PIKFYVE: variants seen among roughly 807,000 people sequenced by gnomAD.
The protein encoded by PIKFYVE is phosphoinositide kinase, FYVE-type zinc finger containing.
A neutral mutation model predicts 257.9 loss-of-function variants in PIKFYVE; 122 were observed. The observed-to-expected ratio is 0.47, with a 90% CI of 0.41 to 0.55. The LOEUF (loss-of-function observed/expected upper bound fraction) is 0.55, where lower values mean the gene tolerates loss of function less well. Ranked by LOEUF, PIKFYVE falls within the 20% of genes least tolerant of loss-of-function variation. The pLI is 0.00. For missense variants in PIKFYVE, 2,160 were observed against 2,536.6 expected, an observed-to-expected ratio of 0.85 and a Z score of 3.19; for synonymous variants, 892 against 868.9, an observed-to-expected ratio of 1.03 and a Z score of -0.47.
In PIKFYVE at chr2:208,355,584, T is replaced by G; in HGVS notation, c.*279T>G. 2.8e-6 allele frequency: 1 copy of G among 355,806 alleles called. No individual in the cohort carries two copies. Among genetic ancestry groups the G allele is most frequent in the Non-Finnish European group, 5.3e-6 (1 of 190,472 alleles). 22.0% of individuals were successfully genotyped at this position (355,806 alleles called of 1,614,324 possible). On this transcript the variant is annotated 3_prime_UTR_variant, in exon 42 of 42. Transcript: ENST00000264380. ...TGTTTCAAAGGGCTAAAGTTGGAGA[T>G]GAGTAGATAGGGTGAAAAATGGGTT... is the stretch of plus-strand genomic sequence containing the variant.
At position 208,358,273 on chromosome 2, in the gene PIKFYVE, T is replaced by G. The variant is rs1229570283; in HGVS notation, c.*2968T>G. The stretch of plus-strand genomic sequence containing the variant: ...AATTACCTGTAGGAGTTTGCTGAGC[T>G]TGAAGAGTGAAAACTGTTGTGAATG... On this transcript the variant is annotated 3_prime_UTR_variant, in exon 42 of 42. Transcript: ENST00000264380. 2 of 152,638 alleles carry G rather than the reference T, an allele frequency of 1.3e-5. No homozygotes were observed. The highest frequency in any genetic ancestry group is 2.4e-5 in the African/African-American group (1 of 41,440). 9.5% of individuals were successfully genotyped at this position (152,638 alleles called of 1,614,324 possible).
Position 208,322,936 on chromosome 2 carries a change from A to G in PIKFYVE, c.2191-1206A>G, listed in dbSNP as rs1696449434. ...GTTGAATTCCCACCTATGAGTGAGAACATGCGGTGTTTGGTTTTTTGTCCT... is the reference window on the plus strand; with the variant it reads ...GTTGAATTCCCACCTATGAGTGAGAGCATGCGGTGTTTGGTTTTTTGTCCT... On this transcript the variant is annotated intron_variant, in intron 17 of 41. Transcript: ENST00000264380. 2.0e-5 allele frequency among the ~76,000 whole-genome samples: 3 copies of G among 146,900 alleles called. No individual in the cohort carries two copies. In the Admixed American group the frequency reaches 2.1e-4, roughly 10 times the overall value.
At position 208,357,836 on chromosome 2, in the gene PIKFYVE, A is replaced by G. The variant is rs1700246139; in HGVS notation, c.*2531A>G. On this transcript the variant is annotated 3_prime_UTR_variant, in exon 42 of 42. Transcript: ENST00000264380. ...AGAAATCTTAATACTTCCTTCCTTA[A>G]CATACAACATGAGTCCCGAGAATAA... is the stretch of plus-strand genomic sequence containing the variant. 1 of 152,224 alleles carries G rather than the reference A, an allele frequency of 6.6e-6. No homozygotes were observed. Among genetic ancestry groups the G allele is most frequent in the South Asian group, 2.1e-4 (1 of 4,832 alleles). The allele number at this position is 152,224 out of a possible 1,614,324, so 9.4% of individuals were successfully genotyped here.
intron 11 of PIKFYVE, 61 bp downstream of exon 11, chr2:208,304,379 A>G: frequency 6.4e-7 from 1 of 1,562,368 alleles, no homozygotes; most frequent in Middle Eastern, 1.8e-4. Flanking sequence ...GTATGATAAA[A>G]TGATTATCTT....
In PIKFYVE at chr2:208,320,842, C is replaced by T. The variant is rs566638507; in HGVS notation, c.2190+483C>T. 6.6e-5 allele frequency among the ~76,000 whole-genome samples: 10 copies of T among 152,322 alleles called. No individual in the cohort carries two copies. The East Asian group carries it at 1.2e-3, about 18-fold the overall frequency. On this transcript the variant is annotated intron_variant, in intron 17 of 41. Transcript: ENST00000264380. Reference sequence around the variant, plus strand: ...ACCCTCAGCTGGAAAGGAAAACAGTCTCAGCTCAGCTGCTACACAGGCAGA... The same window carrying T: ...ACCCTCAGCTGGAAAGGAAAACAGTTTCAGCTCAGCTGCTACACAGGCAGA...
chr2:208,304,818 A>C, intron 11 of PIKFYVE, 28 bp from the exon 12 acceptor site: 1 of 1,603,042 alleles, frequency 6.2e-7, no homozygotes, highest in Non-Finnish European at 8.5e-7. Context: ...CTCTCCCTAT[A>C]TTTCTTTCCC....
At chr2:208,305,778 G>T (rs1279044952) in intron 12 of PIKFYVE, among the ~76,000 whole-genome samples, 1 of 152,152 alleles carries the variant, frequency 6.6e-6, no homozygotes, top group African/African-American at 2.4e-5. Context: ...ATGGGATTGT[G>T]TAAAAGTGAA....
chr2:208,351,225 C>A, intron 37 of PIKFYVE, 127 bp from the exon 38 acceptor site: 1 of 916,838 alleles, frequency 1.1e-6, no homozygotes, highest in Non-Finnish European at 1.7e-6. Flanking sequence ...AAAATTTTCA[C>A]TGTGACATTA....
chr2:208,335,374 C>G lies in PIKFYVE; in HGVS notation c.4211C>G (p.Pro1404Arg). Reference protein sequence around the residue: ...LPKIFIKRQAPLKVSLLQDLK... With the variant: ...LPKIFIKRQARLKVSLLQDLK... ...AAAATATTCATTAAGCGTCAGGCCC[C>G]ATTAAAAGTGTCCCTTCTTCAGGAT... Residue 1404 changes from proline to arginine, a missense_variant, in exon 25 of 42, where the codon CCA becomes CGA. By Grantham distance (103) the Pro-to-Arg change is moderately radical. Coordinates refer to ENST00000264380, the MANE Select transcript of PIKFYVE (RefSeq NM_015040.4). 1 of 1,612,634 alleles carries G rather than the reference C, an allele frequency of 6.2e-7. No individual in the cohort carries two copies.
Position 208,346,156 on chromosome 2 carries a change from A to G in PIKFYVE, c.5209+9A>G. ...AACAGAACCACAACCAAGTAAGATT[A>G]CACATGGAGGAATATTTATAATTAG... is the stretch of plus-strand genomic sequence containing the variant. On this transcript the variant is annotated intron_variant, in intron 34 of 41. Transcript: ENST00000264380. The G allele has an allele frequency of 6.3e-7, 1 of 1,580,398 alleles. No homozygotes were observed. The highest frequency in any genetic ancestry group is 1.1e-5 in the South Asian group (1 of 90,334).
Position 208,333,360 on chromosome 2 carries a change from T to C in PIKFYVE, c.4009T>C (p.Phe1337Leu). 1.2e-6 allele frequency: 2 copies of C among 1,614,222 alleles called. No homozygotes were observed. The highest frequency in any genetic ancestry group is 1.7e-6 in the Non-Finnish European group (2 of 1,180,032). ...ALSNESWSMS[F>L]AKYLELRFYG... ...TTCCAATGAGTCCTGGTCTATGTCATTTGCAAAATACCTTGAACTTAGGTT... is the reference window on the plus strand; with the variant it reads ...TTCCAATGAGTCCTGGTCTATGTCACTTGCAAAATACCTTGAACTTAGGTT... The change falls in exon 24 of 42, where the codon TTT becomes CTT. Residue 1337 changes from phenylalanine (F) to leucine (L), a missense_variant. Around this residue, in one of 12 missense-constraint regions of PIKFYVE, gnomAD observed 699 missense variants for 855.8 expected, o/e 0.82. Transcript: ENST00000264380.
chr2:208,348,678 T>C (rs532283928), intron 35 of PIKFYVE, among the ~76,000 whole-genome samples: 377 of 150,242 alleles, frequency 2.5e-3, no homozygotes, highest in Non-Finnish European at 4.8e-3. Flanking sequence ...AGATCAGGAA[T>C]AGGCAGACTC....
rs369920151 is a variant in PIKFYVE, at chr2:208,271,575, G to A, written c.56G>A (p.Arg19Gln). 1.4e-5 allele frequency: 22 copies of A among 1,613,928 alleles called. No individual in the cohort carries two copies. The highest frequency in any genetic ancestry group is 2.7e-5 in the African/African-American group (2 of 74,892). ...PTLDSANDLP[R>Q]SPTSPSHLTH... ...CTGGACTCTGCTAATGATTTGCCTCGATCTCCTACTAGTCCTTCTCATCTC... is the reference window on the plus strand; with the variant it reads ...CTGGACTCTGCTAATGATTTGCCTCAATCTCCTACTAGTCCTTCTCATCTC... Residue 19 changes from arginine to glutamine, a missense_variant, in exon 2 of 42, where the codon CGA (arginine) becomes CAA (glutamine). By Grantham distance (43) the Arg-to-Gln change is conservative (BLOSUM62 1). This residue lies in a region of PIKFYVE where 172 missense variants were observed against 180.6 expected (regional missense o/e 0.95). Transcript: ENST00000264380.
chr2:208,277,699 G>T lies in PIKFYVE; in HGVS notation c.604G>T (p.Gly202Cys). 1 of 1,613,618 alleles carries T rather than the reference G, an allele frequency of 6.2e-7. No individual in the cohort carries two copies. Among genetic ancestry groups the T allele is most frequent in the Non-Finnish European group, 8.5e-7 (1 of 1,179,598 alleles). The change falls in exon 5 of 42, where the codon GGC (glycine) becomes TGC (cysteine). Residue 202 changes from glycine to cysteine, a missense_variant. Physicochemically the swap from Gly to Cys is radical, Grantham distance 159 (BLOSUM62 -3). Transcript: ENST00000264380. Reference sequence around the variant, plus strand: ...TCAAGAAATCCCTGGAAAATTTATGGGCTATACAGGTAAATGCATTTTATT... The same window carrying T: ...TCAAGAAATCCCTGGAAAATTTATGTGCTATACAGGTAAATGCATTTTATT... ...CNQEIPGKFMGYTGDLRACTY... is the reference protein window; with the variant it reads ...CNQEIPGKFMCYTGDLRACTY...
In PIKFYVE at chr2:208,326,415, G is replaced by T. The variant is rs1163440699; in HGVS notation, c.3604G>T (p.Val1202Leu). 4 of 1,614,082 alleles carry T rather than the reference G, an allele frequency of 2.5e-6. No homozygotes were observed. Among genetic ancestry groups the T allele is most frequent in the Non-Finnish European group, 3.4e-6 (4 of 1,179,956 alleles). ...GAGAGGGCTTATTCTGAGTGATGCT[G>T]TGTGGTCAACAAAGGTGAGCCAGAC... is the stretch of plus-strand genomic sequence containing the variant. Reference protein sequence around the residue: ...EERGLILSDAVWSTKVDCLNP... With the variant: ...EERGLILSDALWSTKVDCLNP... Residue 1202 changes from valine to leucine, a missense_variant, in exon 20 of 42, where the codon GTG (valine) becomes TTG (leucine). Physicochemically the swap from Val to Leu is conservative, Grantham distance 32 (BLOSUM62 1). Coordinates refer to ENST00000264380, the MANE Select transcript of PIKFYVE (RefSeq NM_015040.4).
intron 7 of PIKFYVE, among the ~76,000 whole-genome samples, chr2:208,296,551 T>C (rs1693014703): frequency 6.6e-6 from 1 of 152,162 alleles, no homozygotes; most frequent in Non-Finnish European, 1.5e-5. Flanking sequence ...AGGGGAGGGC[T>C]ACAGGCTAGA....
intron 1 of PIKFYVE, among the ~76,000 whole-genome samples, chr2:208,267,991 T>C (rs1038398900): frequency 1.3e-5 from 2 of 152,240 alleles, no homozygotes; most frequent in African/African-American, 4.8e-5. Context: ...CATATATTAG[T>C]AGCCTTAATT....
At position 208,317,862 on chromosome 2, in the gene PIKFYVE, A is replaced by T; in HGVS notation, c.2008-5A>T. 1 of 1,609,182 alleles carries T rather than the reference A, an allele frequency of 6.2e-7. No homozygotes were observed. The highest frequency in any genetic ancestry group is 8.5e-7 in the Non-Finnish European group (1 of 1,175,462). On this transcript the variant is annotated splice_region_variant and splice_polypyrimidine_tract_variant and intron_variant, in intron 15 of 41. Coordinates refer to ENST00000264380, the MANE Select transcript of PIKFYVE (RefSeq NM_015040.4). ...ATTTTATTGTTTTCTTAATTGTTCC[A>T]TTAGATCCCAGGTGGAAAGAAGTTT...
At chr2:208,304,066 G>A (rs1293431067) in intron 10 of PIKFYVE, 105 bp from the exon 11 acceptor site, 5 of 1,346,078 alleles carry the variant, frequency 3.7e-6, no homozygotes, top group Non-Finnish European at 5.3e-6. Flanking sequence ...AAATTCAATT[G>A]TTAGGTTCAT....
Sources: gnomAD v4.1 joint callset for allele counts (sites outside exome capture counted in the v4.1 genomes callset) on GRCh38, gnomAD v4.1.1 for gene constraint, gnomAD v4.1.1 regional missense constraint, MANE v1.5 for transcripts, NCBI Gene and HGNC (gene_info 2026-07-23, HGNC 2026-07-21) for gene names.